ABL1: variants seen among roughly 807,000 people sequenced by gnomAD.
The protein encoded by ABL1 is tyrosine-protein kinase ABL1.
A neutral mutation model predicts 94.7 loss-of-function variants in ABL1; 11 were observed. The observed-to-expected ratio is 0.12, with a 90% CI of 0.07 to 0.19. The LOEUF (loss-of-function observed/expected upper bound fraction) is 0.19. Ranked by LOEUF, ABL1 falls within the 10% of genes least tolerant of loss-of-function variation. The pLI, the probability that ABL1 is intolerant of heterozygous loss-of-function variation, is 1.00. For synonymous variants in ABL1, 656 were observed against 622.4 expected (o/e 1.05, Z -0.80); for missense variants, 1,082 against 1,489.4 (o/e 0.73, Z 4.50).
intron 1 of ABL1, among the ~76,000 whole-genome samples, chr9:130,817,398 C>A (rs553675955): frequency 1.5e-3 from 225 of 152,306 alleles, no homozygotes; most frequent in Middle Eastern, 6.8e-3. Context: ...GTTCCTCTTC[C>A]TTATTTGAAG....
intron 1 of ABL1, among the ~76,000 whole-genome samples, chr9:130,816,634 G>A (rs934595264): frequency 3.3e-5 from 5 of 152,028 alleles, no homozygotes; most frequent in Non-Finnish European, 7.4e-5. Flanking sequence ...CAACAGTGGG[G>A]CAGGCATAGG....
chr9:130,787,650 G>C (rs147240558), intron 1 of ABL1, among the ~76,000 whole-genome samples: 3 of 152,202 alleles, frequency 2.0e-5, no homozygotes, highest in Admixed American at 6.5e-5. Context: ...CTCCAGCCTC[G>C]TGCTCTGCTC....
intron 1 of ABL1, among the ~76,000 whole-genome samples, chr9:130,844,134 C>T (rs1439010999): frequency 6.6e-6 from 1 of 152,150 alleles, no homozygotes; most frequent in Non-Finnish European, 1.5e-5. Flanking sequence ...TTCTGCCTCT[C>T]GGCTGGCAGC....
Position 130,756,956 on chromosome 9 carries a change from C to T in ABL1, c.136+42501C>T, listed in dbSNP as rs1368863734. Among the ~76,000 whole-genome samples the T allele has an allele frequency of 2.0e-5, 3 of 152,194 alleles. No homozygotes were observed. In the East Asian group the frequency reaches 5.8e-4, roughly 29 times the overall value. Reference sequence around the variant, plus strand: ...GCAGAGCTGGAGTCCCCTTAGGGCACTGCCTGTCATCTTCACTACACAGCT... The same window carrying T: ...GCAGAGCTGGAGTCCCCTTAGGGCATTGCCTGTCATCTTCACTACACAGCT... On this transcript the variant is annotated intron_variant, in intron 1 of 10. Coordinates refer to the ABL1 transcript ENST00000372348.
At chr9:130,791,099 A>G (rs1454106371) in intron 1 of ABL1, among the ~76,000 whole-genome samples, 2 of 152,264 alleles carry the variant, frequency 1.3e-5, no homozygotes, top group Non-Finnish European at 2.9e-5. Context: ...GTCTAAACAT[A>G]TCAGTAAACC....
intron 3 of ABL1, among the ~76,000 whole-genome samples, chr9:130,861,750 G>A (rs1018820902): frequency 6.6e-6 from 1 of 152,282 alleles, no homozygotes; most frequent in Middle Eastern, 3.4e-3. Flanking sequence ...GTGATGGTTG[G>A]CTACCCTGAG....
At chr9:130,758,812 G>T (rs1203853749) in intron 1 of ABL1, among the ~76,000 whole-genome samples, 1 of 152,194 alleles carries the variant, frequency 6.6e-6, no homozygotes, top group African/African-American at 2.4e-5. Context: ...GGCCCTTCCT[G>T]TTGACCAGTG....
At chr9:130,799,614 A>G (rs947289084) in intron 1 of ABL1, among the ~76,000 whole-genome samples, 8 of 152,216 alleles carry the variant, frequency 5.3e-5, no homozygotes, top group African/African-American at 1.2e-4. Flanking sequence ...TGGGATTTCA[A>G]TGGAATATTG....
At chr9:130,864,145 C>G (rs758338020) in intron 4 of ABL1, among the ~76,000 whole-genome samples, 1 of 152,200 alleles carries the variant, frequency 6.6e-6, no homozygotes, top group African/African-American at 2.4e-5. Context: ...CTTCCTGATG[C>G]TCTTATTCAG....
intron 1 of ABL1, among the ~76,000 whole-genome samples, chr9:130,792,644 A>C (rs1442476669): frequency 6.6e-6 from 1 of 152,190 alleles, no homozygotes; most frequent in Non-Finnish European, 1.5e-5. Context: ...ACATTTCAAG[A>C]GATAGTTCAA....
Position 130,733,441 on chromosome 9 carries a change from T to A in ABL1, c.136+18986T>A, listed in dbSNP as rs545821067. Among the ~76,000 whole-genome samples the A allele has an allele frequency of 5.0e-3, 765 of 151,760 alleles. 7 individuals carry two copies. Among genetic ancestry groups the A allele is most frequent in the Non-Finnish European group, 7.2e-3 (492 of 67,872 alleles). ...GTGGATGTGTAAAGTTAAAAAAAAA[T>A]TTTTTTTTCTTGTAGCAGGGTCTCA... On this transcript the variant is annotated intron_variant, in intron 1 of 10. Coordinates refer to the ABL1 transcript ENST00000372348.
chr9:130,874,516 A>G (rs1471312534), intron 6 of ABL1, among the ~76,000 whole-genome samples: 2 of 152,220 alleles, frequency 1.3e-5, no homozygotes, highest in Non-Finnish European at 2.9e-5. Flanking sequence ...ACTTCAATCA[A>G]AGCACTTAGC....
chr9:130,787,404 G>T (rs552381277), intron 1 of ABL1, among the ~76,000 whole-genome samples: 1 of 152,010 alleles, frequency 6.6e-6, no homozygotes, highest in Non-Finnish European at 1.5e-5. Context: ...AATTTCCCAC[G>T]TTTCCCCCCA....
chr9:130,731,520 C>T (rs1477718543), intron 1 of ABL1, among the ~76,000 whole-genome samples: 1 of 152,046 alleles, frequency 6.6e-6, no homozygotes, highest in Non-Finnish European at 1.5e-5. Context: ...TTTTTTCCCT[C>T]ATATTGACCT....
chr9:130,717,367 A>G (rs1337376470), intron 1 of ABL1, among the ~76,000 whole-genome samples: 2 of 151,982 alleles, frequency 1.3e-5, no homozygotes, highest in African/African-American at 2.4e-5. Context: ...TAAATGATCA[A>G]TGCATGATAT....
In ABL1 at chr9:130,874,543, C is replaced by T. The variant is rs1290794023; in HGVS notation, c.1086-325C>T. ...GCACTTAGCATATTAATTAATTACA[C>T]TCACAGCAACCCTAAGAGGTAGGTG... On this transcript the variant is annotated intron_variant, in intron 6 of 10. Coordinates refer to ENST00000318560, the MANE Select transcript of ABL1 (RefSeq NM_005157.6). Among the ~76,000 whole-genome samples the T allele has an allele frequency of 2.0e-5, 3 of 152,206 alleles. No individual in the cohort carries two copies. The East Asian group carries it at 5.8e-4, about 29-fold the overall frequency.
intron 1 of ABL1, among the ~76,000 whole-genome samples, chr9:130,768,782 C>T (rs954636994): frequency 9.2e-5 from 14 of 152,160 alleles, no homozygotes; most frequent in Non-Finnish European, 1.9e-4. Context: ...AGAAACCTAA[C>T]TAGAGACAAT....
upstream of ABL1, among the ~76,000 whole-genome samples, chr9:130,830,796 C>A (rs1830486224): frequency 6.6e-6 from 1 of 152,182 alleles, no homozygotes; most frequent in Admixed American, 6.5e-5. Flanking sequence ...TTATGACTAC[C>A]TCCCATTTTT....
At chr9:130,850,905 TG>T (rs1238152436) in intron 1 of ABL1, among the ~76,000 whole-genome samples, 4 of 151,010 alleles carry the variant, frequency 2.6e-5, no homozygotes, top group Admixed American at 1.3e-4. Context: ...TGTTGTTTTT[TG>T]TTTGTTTTTG....
Sources: allele counts gnomAD v4.1 joint callset (sites outside exome capture counted in the v4.1 genomes callset), GRCh38; gene constraint gnomAD v4.1.1; transcripts MANE v1.5; gene names NCBI Gene and HGNC (gene_info 2026-07-23, HGNC 2026-07-21).